MDGA2: variants seen among roughly 807,000 people sequenced by gnomAD.
MDGA2 encodes MAM domain-containing glycosylphosphatidylinositol anchor protein 2.
A neutral mutation model predicts 117.8 loss-of-function variants in MDGA2; 40 were observed. The ratio of observed to expected loss-of-function variants is 0.34; its 90% CI spans 0.26 to 0.44. The LOEUF is 0.44. Among genes scored for constraint, MDGA2 ranks in the 20% least tolerant of loss-of-function variants. The pLI is 1.00. For missense variants in MDGA2, 1,123 were observed against 1,250.6 expected, an observed-to-expected ratio of 0.90 and a Z score of 1.54; for synonymous variants, 452 against 439.0, an observed-to-expected ratio of 1.03 and a Z score of -0.37.
chr14:46,955,345 C>A (rs920783711), intron 9 of MDGA2, among the ~76,000 whole-genome samples: 29 of 152,110 alleles, frequency 1.9e-4, no homozygotes, highest in African/African-American at 6.0e-4. Context: ...TGGGTTTCTA[C>A]TAAAGCTCAT....
intron 3 of MDGA2, among the ~76,000 whole-genome samples, chr14:47,176,160 C>G (rs1233049841): frequency 3.9e-5 from 6 of 152,094 alleles, no homozygotes; most frequent in African/African-American, 1.2e-4. Flanking sequence ...AGGATACAAA[C>G]AAATGGAAGA....
chr14:47,600,909 G>A (rs1174133896), intron 1 of MDGA2, among the ~76,000 whole-genome samples: 1 of 152,094 alleles, frequency 6.6e-6, no homozygotes, highest in Non-Finnish European at 1.5e-5. Flanking sequence ...TTTAAATTTA[G>A]TGATACCAAA....
chr14:46,865,311 G>A (rs1388344178), intron 14 of MDGA2, among the ~76,000 whole-genome samples: 1 of 152,070 alleles, frequency 6.6e-6, no homozygotes, highest in East Asian at 1.9e-4. Context: ...CTCAATAGAT[G>A]CAGAAAAGGC....
intron 1 of MDGA2, among the ~76,000 whole-genome samples, chr14:47,523,822 T>G (rs1011344315): frequency 2.0e-5 from 3 of 152,220 alleles, no homozygotes; most frequent in Admixed American, 1.3e-4. Context: ...TGCTTTTGCC[T>G]TAGTTTGTCA....
At chr14:47,077,883 T>C (rs1890554549) in intron 6 of MDGA2, among the ~76,000 whole-genome samples, 1 of 152,014 alleles carries the variant, frequency 6.6e-6, no homozygotes, top group Non-Finnish European at 1.5e-5. Flanking sequence ...TTTATGGTTC[T>C]CAGAAAAATG....
chr14:47,135,586 C>T (rs1173692422), intron 4 of MDGA2, among the ~76,000 whole-genome samples: 1 of 152,014 alleles, frequency 6.6e-6, no homozygotes, highest in African/African-American at 2.4e-5. Flanking sequence ...ATAATCTATG[C>T]TGCATTTCTA....
At chr14:47,088,448 T>G (rs148642374) in intron 6 of MDGA2, among the ~76,000 whole-genome samples, 10 of 152,280 alleles carry the variant, frequency 6.6e-5, no homozygotes, top group African/African-American at 2.4e-4. Context: ...TTTCTACAAT[T>G]TTAGCCATCA....
In MDGA2 at chr14:47,240,203, C is replaced by A. The variant is rs535903938; in HGVS notation, c.421-22008G>T. 1.8e-3 allele frequency among the ~76,000 whole-genome samples: 275 copies of A among 151,724 alleles called. 9 individuals are homozygous for A. The highest frequency in any genetic ancestry group is 3.1e-3 in the Non-Finnish European group (207 of 67,762). On this transcript the variant is annotated intron_variant, in intron 2 of 16. Transcript: ENST00000399232. ...GGGATTACAGGCGTGCACCACCAAT[C>A]CCAGCTAATTTTTGTATTTTTAGTA...
intron 1 of MDGA2, among the ~76,000 whole-genome samples, chr14:47,380,954 A>T (rs1594827516): frequency 6.6e-6 from 1 of 152,288 alleles, no homozygotes; most frequent in Non-Finnish European, 1.5e-5. Flanking sequence ...CGATGCAAAA[A>T]TCCTCAATAA....
chr14:46,954,413 A>G (rs1264558364), intron 9 of MDGA2, among the ~76,000 whole-genome samples: 1 of 152,080 alleles, frequency 6.6e-6, no homozygotes, highest in Admixed American at 6.6e-5. Context: ...GGTGGCTTAA[A>G]CAAACAAACA....
chr14:47,489,126 T>C (rs890297533), intron 1 of MDGA2, among the ~76,000 whole-genome samples: 9 of 152,000 alleles, frequency 5.9e-5, no homozygotes, highest in Admixed American at 3.3e-4. Flanking sequence ...TCCTTGTTAG[T>C]CTATAATAAT....
chr14:47,003,435 C>CA (rs1887600933), intron 8 of MDGA2, among the ~76,000 whole-genome samples: 1 of 151,922 alleles, frequency 6.6e-6, no homozygotes, highest in African/African-American at 2.4e-5. Context: ...AACAGCAGAG[C>CA]ATGTTAAGTT....
chr14:47,336,950 T>C (rs1202720727), intron 1 of MDGA2, among the ~76,000 whole-genome samples: 1 of 152,034 alleles, frequency 6.6e-6, no homozygotes, highest in Non-Finnish European at 1.5e-5. Context: ...AATGAATGAC[T>C]ACCATTCTTT....
chr14:47,097,901 T>C (rs1354319583), intron 5 of MDGA2, among the ~76,000 whole-genome samples: 2 of 151,974 alleles, frequency 1.3e-5, no homozygotes, highest in African/African-American at 4.8e-5. Context: ...TAAACATTCA[T>C]TCAGTAGAAA....
chr14:47,625,219 G>A (rs1476459992), intron 1 of MDGA2, among the ~76,000 whole-genome samples: 1 of 151,884 alleles, frequency 6.6e-6, no homozygotes, highest in Non-Finnish European at 1.5e-5. Context: ...TACTGTAAGG[G>A]CCTCTATTAA....
intron 10 of MDGA2, among the ~76,000 whole-genome samples, chr14:46,915,675 C>T (rs1034173784): frequency 4.6e-5 from 7 of 152,016 alleles, no homozygotes; most frequent in African/African-American, 1.7e-4. Context: ...TTCAGCAGTC[C>T]CTCCCAAGGC....
chr14:47,013,509 C>G (rs1887967689), intron 8 of MDGA2, among the ~76,000 whole-genome samples: 1 of 151,860 alleles, frequency 6.6e-6, no homozygotes, highest in Admixed American at 6.6e-5. Context: ...TTGAAATCAA[C>G]TTCTTCCAAA....
In MDGA2 at chr14:46,869,756, G is replaced by GC. The variant is rs1252101375; in HGVS notation, c.2752+3676dup. 4.6e-5 allele frequency among the ~76,000 whole-genome samples: 7 copies of GC among 151,996 alleles called. No individual in the cohort carries two copies. The East Asian group carries it at 1.4e-3, about 30-fold the overall frequency. On this transcript the variant is annotated intron_variant, in intron 14 of 16. Coordinates refer to ENST00000399232, the MANE Select transcript of MDGA2 (RefSeq NM_001113498.3). ...TTAGGTTATGAAAAATCCTGGGCAT[G>GC]CATTCTCTCTCTCTTCTTAATGGAT...
At chr14:47,542,983 G>A (rs1209561197) in intron 1 of MDGA2, among the ~76,000 whole-genome samples, 1 of 152,140 alleles carries the variant, frequency 6.6e-6, no homozygotes, top group Admixed American at 6.6e-5. Context: ...GCCAAGCTAG[G>A]CAAATTGCTT....
Sources: allele counts gnomAD v4.1 joint callset (sites outside exome capture counted in the v4.1 genomes callset), GRCh38; gene constraint gnomAD v4.1.1; transcripts MANE v1.5; gene names NCBI Gene and HGNC (gene_info 2026-07-23, HGNC 2026-07-21).